The following SIRPG variants were observed in gnomAD, a reference collection of about 807,000 sequenced individuals.
SIRPG encodes the protein signal regulatory protein gamma, also known as signal-regulatory protein gamma.
SIRPG carries 38 observed loss-of-function variants against 35.7 expected under a neutral mutation model. That is an observed-to-expected ratio of 1.06 (90% CI 0.82 to 1.40). The LOEUF is 1.40. Ranked by LOEUF, SIRPG falls within the 40% of genes most tolerant of loss-of-function variation. The probability of loss-of-function intolerance (pLI) is 0.00; values close to 1 mark genes in which losing one functional copy is unlikely to be tolerated. For synonymous variants in SIRPG, 215 were observed against 190.4 expected (o/e 1.13, Z -1.06); for missense variants, 519 against 483.0 (o/e 1.07, Z -0.70).
chr20:1,656,800 A>G (rs923094527), intron 1 of SIRPG, among the ~76,000 whole-genome samples: 1 of 152,208 alleles, frequency 6.6e-6, no homozygotes, highest in Non-Finnish European at 1.5e-5. Flanking sequence ...AATGGGTTGA[A>G]GCCCCAATCC....
At position 1,645,133 on chromosome 20, in the gene SIRPG, G is replaced by C. The variant is rs150342217; in HGVS notation, c.430+3919C>G. On this transcript the variant is annotated intron_variant, in intron 2 of 5. Coordinates refer to ENST00000303415, the MANE Select transcript of SIRPG (RefSeq NM_018556.4). ...AGCACTGAGGCTGGATCTGAGCAGG[G>C]CTTTATCCGGAAACTCTATCTTGGG... Among the ~76,000 whole-genome samples, 135 of 152,236 alleles carry C rather than the reference G, an allele frequency of 8.9e-4. 2 individuals are homozygous for C. The highest frequency in any genetic ancestry group is 2.7e-3 in the African/African-American group (113 of 41,536).
the SIRPG span, among the ~76,000 whole-genome samples, chr20:1,678,594 C>T: frequency 6.6e-6 from 1 of 151,588 alleles, no homozygotes; most frequent in African/African-American, 2.4e-5. Flanking sequence ...ATTATCAAAT[C>T]GATAAAAATA....
At chr20:1,660,078 A>T (rs1255812376), upstream of SIRPG, among the ~76,000 whole-genome samples, 3 of 152,252 alleles carry the variant, frequency 2.0e-5, no homozygotes, top group African/African-American at 7.2e-5. Flanking sequence ...TCTTATAAGG[A>T]AAACAAAAGA....
chr20:1,632,017 G>A (rs2091754861), intron 4 of SIRPG, among the ~76,000 whole-genome samples: 1 of 152,128 alleles, frequency 6.6e-6, no homozygotes, highest in Non-Finnish European at 1.5e-5. Flanking sequence ...TTGGGCCCTG[G>A]ACATCATTAA....
At chr20:1,630,407 GC>G in intron 4 of SIRPG, 101 bp from the exon 5 acceptor site, 2 of 866,376 alleles carry the variant, frequency 2.3e-6, no homozygotes, top group Non-Finnish European at 3.6e-6. Flanking sequence ...GCCCATCTAT[GC>G]CCCACCTTTG....
chr20:1,637,956 G>T (rs1269842427), intron 2 of SIRPG, among the ~76,000 whole-genome samples: 2 of 152,100 alleles, frequency 1.3e-5, no homozygotes, highest in African/African-American at 4.8e-5. Flanking sequence ...CACATATTAG[G>T]CATACTTGCA....
At chr20:1,656,124 T>C (rs1261034093) in intron 1 of SIRPG, among the ~76,000 whole-genome samples, 2 of 152,234 alleles carry the variant, frequency 1.3e-5, no homozygotes, top group Non-Finnish European at 2.9e-5. Context: ...GTTTTACCTC[T>C]GATTGTTTCT....
chr20:1,651,717 G>T (rs2091941248), intron 1 of SIRPG, among the ~76,000 whole-genome samples: 1 of 152,088 alleles, frequency 6.6e-6, no homozygotes, highest in South Asian at 2.1e-4. Flanking sequence ...TCCACAATTT[G>T]AGAAGGTTTT....
chr20:1,685,758 C>T, the SIRPG span, among the ~76,000 whole-genome samples: 1 of 152,148 alleles, frequency 6.6e-6, no homozygotes, highest in Non-Finnish European at 1.5e-5. Flanking sequence ...TATGCAGCAT[C>T]CTGAAGAAGG....
chr20:1,647,228 C>T (rs1349631038), intron 2 of SIRPG: 1 of 152,910 alleles, frequency 6.5e-6, no homozygotes, highest in Non-Finnish European at 1.5e-5. Context: ...ACTGCCACTC[C>T]CTGGCCCCCT....
In SIRPG at chr20:1,650,000, G is replaced by GTATATATATATATA. The variant is rs1491226682; in HGVS notation, c.74-593_74-592insTATATATATATATA. 2.1e-4 allele frequency among the ~76,000 whole-genome samples: 18 copies of GTATATATATATATA among 85,408 alleles called. 1 individual carries two copies. The highest frequency in any genetic ancestry group is 8.6e-4 in the African/African-American group (18 of 20,826). 56.0% of individuals were successfully genotyped at this position (85,408 alleles called of 152,430 possible). A position where few individuals can be genotyped will look rare whatever the true frequency, so the allele number is the denominator to read the frequency against. ...TAGAACTCCTGAACTCTACTTTGAA[G>GTATATATATATATA]TGTGTATATATATATATATATATAT... On this transcript the variant is annotated intron_variant, in intron 1 of 5. Coordinates refer to ENST00000303415, the MANE Select transcript of SIRPG (RefSeq NM_018556.4).
At chr20:1,631,907 G>C (rs1385081097) in intron 4 of SIRPG, among the ~76,000 whole-genome samples, 2 of 152,192 alleles carry the variant, frequency 1.3e-5, no homozygotes, top group Admixed American at 1.3e-4. Flanking sequence ...AGCTACGAGT[G>C]ATTGATTATG....
chr20:1,669,386 A>T, the SIRPG span, among the ~76,000 whole-genome samples: 2 of 152,232 alleles, frequency 1.3e-5, no homozygotes, highest in Non-Finnish European at 2.9e-5. Context: ...GTAAATGTGC[A>T]GAGGGATGTT....
chr20:1,669,355 A>G, the SIRPG span, among the ~76,000 whole-genome samples: 1 of 152,238 alleles, frequency 6.6e-6, no homozygotes, highest in African/African-American at 2.4e-5. Context: ...GAGAGTATAG[A>G]TGAACGGAAA....
the SIRPG span, among the ~76,000 whole-genome samples, chr20:1,666,001 C>T: frequency 6.6e-6 from 1 of 151,776 alleles, no homozygotes; most frequent in Non-Finnish European, 1.5e-5. Flanking sequence ...GGTTATGGCC[C>T]CTGAAGGCCT....
At chr20:1,643,285 A>T (rs2091869885) in intron 2 of SIRPG, among the ~76,000 whole-genome samples, 2 of 151,838 alleles carry the variant, frequency 1.3e-5, no homozygotes, top group Admixed American at 1.3e-4. Context: ...TTCTTTTTTT[A>T]AAATCTTGTC....
chr20:1,669,611 C>T, the SIRPG span, among the ~76,000 whole-genome samples: 1 of 152,176 alleles, frequency 6.6e-6, no homozygotes, highest in African/African-American at 2.4e-5. Flanking sequence ...GAGGGCTGAT[C>T]TGACAAGGAA....
At chr20:1,648,690 A>G (rs2091915659) in intron 2 of SIRPG, among the ~76,000 whole-genome samples, 1 of 152,184 alleles carries the variant, frequency 6.6e-6, no homozygotes, top group African/African-American at 2.4e-5. Context: ...GGCCAGCCTG[A>G]GAGAGAAGCG....
the SIRPG span, among the ~76,000 whole-genome samples, chr20:1,668,243 C>CTTTCTT: frequency 4.0e-5 from 2 of 50,344 alleles, no homozygotes; most frequent in African/African-American, 1.3e-4. Context: ...TTCTTTCTTT[C>CTTTCTT]TTTCTTTTTC....
Sources: gnomAD v4.1 joint callset for allele counts (sites outside exome capture counted in the v4.1 genomes callset) on GRCh38, gnomAD v4.1.1 for gene constraint, MANE v1.5 for transcripts, NCBI Gene and HGNC (gene_info 2026-07-23, HGNC 2026-07-21) for gene names.